The following STPG2 variants were observed in gnomAD, a reference collection of about 807,000 sequenced individuals.
The protein encoded by STPG2 is sperm-tail PG-rich repeat-containing protein 2.
Under a neutral mutation model 54.2 loss-of-function variants are expected in STPG2, and 56 were observed. That is an observed-to-expected ratio of 1.03 (90% CI 0.83 to 1.29). STPG2 has a LOEUF of 1.29. Ranked by LOEUF, STPG2 falls within the 50% of genes most tolerant of loss-of-function variation. STPG2 has a pLI of 0.00. For synonymous variants in STPG2, 200 were observed against 181.8 expected (o/e 1.10, Z -0.81); for missense variants, 596 against 544.9 (o/e 1.09, Z -0.93).
chr4:97,454,941 C>T (rs954972582), intron 4 of STPG2, among the ~76,000 whole-genome samples: 4 of 152,102 alleles, frequency 2.6e-5, no homozygotes, highest in Non-Finnish European at 5.9e-5. Flanking sequence ...GGTTCTAAAA[C>T]ATGCCTACTG....
chr4:98,135,540 A>G (rs920948423), intron 1 of STPG2, among the ~76,000 whole-genome samples: 1 of 151,830 alleles, frequency 6.6e-6, no homozygotes. Flanking sequence ...GCAAATTCAG[A>G]AAGAAGAGAA....
chr4:97,923,260 G>A (rs1732181944), intron 8 of STPG2, among the ~76,000 whole-genome samples: 1 of 152,178 alleles, frequency 6.6e-6, no homozygotes, highest in Non-Finnish European at 1.5e-5. Context: ...GGAGAGAGAG[G>A]CACAGGTGGG....
chr4:97,868,391 G>A (rs1506438), intron 8 of STPG2, among the ~76,000 whole-genome samples: 84,157 of 151,494 alleles, frequency 0.56, 23,664 homozygotes, highest in East Asian at 0.74. Flanking sequence ...GGAGACTTGC[G>A]TATTTTTATC....
intron 9 of STPG2, among the ~76,000 whole-genome samples, chr4:97,821,354 G>A (rs757950028): frequency 7.2e-5 from 11 of 152,304 alleles, no homozygotes; most frequent in Admixed American, 2.6e-4. Flanking sequence ...GGGCAACTCT[G>A]CCCCTGTGTC....
chr4:97,898,329 T>C (rs193268659), intron 8 of STPG2, among the ~76,000 whole-genome samples: 1 of 151,496 alleles, frequency 6.6e-6, no homozygotes, highest in African/African-American at 2.4e-5. Context: ...TGTGTTACTC[T>C]TATAAATTTT....
chr4:97,571,756 C>T (rs1207129616), intron 10 of STPG2, among the ~76,000 whole-genome samples: 1 of 152,164 alleles, frequency 6.6e-6, no homozygotes, highest in Non-Finnish European at 1.5e-5. Context: ...CCCCGACCAC[C>T]TTGGACACAA....
At chr4:97,959,518 C>T (rs1192131243) in intron 7 of STPG2, among the ~76,000 whole-genome samples, 1 of 151,864 alleles carries the variant, frequency 6.6e-6, no homozygotes, top group Non-Finnish European at 1.5e-5. Flanking sequence ...CAAAATGGGA[C>T]ATATTACAAC....
intron 4 of STPG2, among the ~76,000 whole-genome samples, chr4:97,476,912 C>T (rs1435120834): frequency 6.6e-6 from 1 of 152,182 alleles, no homozygotes; most frequent in Admixed American, 6.5e-5. Flanking sequence ...ACACCTGACA[C>T]TTTTCCAAAT....
intron 10 of STPG2, among the ~76,000 whole-genome samples, chr4:97,664,451 G>C (rs1228534164): frequency 6.6e-6 from 1 of 152,148 alleles, no homozygotes; most frequent in Non-Finnish European, 1.5e-5. Flanking sequence ...CAGAGGTTAG[G>C]TTACTTGTAA....
At chr4:97,860,061 T>C (rs1729467624) in intron 8 of STPG2, among the ~76,000 whole-genome samples, 1 of 152,204 alleles carries the variant, frequency 6.6e-6, no homozygotes, top group African/African-American at 2.4e-5. Context: ...ATTTCTGAGT[T>C]CTCTATTCTG....
intron 8 of STPG2, among the ~76,000 whole-genome samples, chr4:97,853,745 CCT>C (rs1018634365): frequency 6.6e-6 from 1 of 152,120 alleles, no homozygotes; most frequent in African/African-American, 2.4e-5. Context: ...GGCTGTTTCC[CCT>C]GTTGTATAAA....
In STPG2 at chr4:98,135,033, C is replaced by T. The variant is rs533290849; in HGVS notation, c.110-574G>A. Among the ~76,000 whole-genome samples, 405 of 151,774 alleles carry T rather than the reference C, an allele frequency of 2.7e-3. 2 individuals carry two copies. Among genetic ancestry groups the T allele is most frequent in the Non-Finnish European group, 4.4e-3 (300 of 67,670 alleles). ...TGGAACAAGTAATTATAAGATTATA[C>T]AAACTTGAACACTCTACTGAAAAAC... On this transcript the variant is annotated intron_variant, in intron 1 of 10. Coordinates refer to ENST00000295268, the MANE Select transcript of STPG2 (RefSeq NM_174952.3).
At chr4:97,589,902 T>A (rs1578408919) in intron 10 of STPG2, among the ~76,000 whole-genome samples, 1 of 152,350 alleles carries the variant, frequency 6.6e-6, no homozygotes, top group Admixed American at 6.5e-5. Context: ...TCCAAGTTTG[T>A]AGCTTAGGAG....
intron 4 of STPG2, among the ~76,000 whole-genome samples, chr4:97,543,011 T>C (rs1375601311): frequency 2.0e-5 from 3 of 151,894 alleles, no homozygotes; most frequent in Non-Finnish European, 2.9e-5. Context: ...CATTAGGAGA[T>C]ATACCTAATG....
At chr4:97,832,180 T>C (rs981772326) in intron 9 of STPG2, among the ~76,000 whole-genome samples, 8 of 152,178 alleles carry the variant, frequency 5.3e-5, no homozygotes, top group African/African-American at 1.4e-4. Flanking sequence ...CATGATCAAG[T>C]TGGCTTCATC....
chr4:98,105,134 T>G (rs1342780260), intron 5 of STPG2, among the ~76,000 whole-genome samples: 1 of 152,248 alleles, frequency 6.6e-6, no homozygotes, highest in Non-Finnish European at 1.5e-5. Context: ...AATTCCTGTG[T>G]GTCATTTCCC....
chr4:98,123,318 G>T (rs1389376058), intron 3 of STPG2, among the ~76,000 whole-genome samples: 2 of 151,706 alleles, frequency 1.3e-5, no homozygotes, highest in African/African-American at 2.4e-5. Flanking sequence ...TTTTTAATGT[G>T]GGCATTTATT....
At chr4:97,974,965 T>G (rs1000613191) in intron 6 of STPG2, among the ~76,000 whole-genome samples, 15 of 152,082 alleles carry the variant, frequency 9.9e-5, no homozygotes, top group Non-Finnish European at 2.1e-4. Flanking sequence ...GGCATACTAC[T>G]CAGCAATAAA....
At chr4:97,879,386 A>T (rs2149163051) in intron 8 of STPG2, among the ~76,000 whole-genome samples, 1 of 152,286 alleles carries the variant, frequency 6.6e-6, no homozygotes. Flanking sequence ...ATTTATAAAG[A>T]AAAAGAGGTT....
Sources: gnomAD v4.1 joint callset for allele counts (sites outside exome capture counted in the v4.1 genomes callset) on GRCh38, gnomAD v4.1.1 for gene constraint, MANE v1.5 for transcripts, NCBI Gene and HGNC (gene_info 2026-07-23, HGNC 2026-07-21) for gene names.